The following SUSD4 variants were observed in gnomAD, a reference collection of about 807,000 sequenced individuals.
The protein encoded by SUSD4 is sushi domain containing 4.
Under a neutral mutation model 50.5 loss-of-function variants are expected in SUSD4, and 41 were observed. The observed-to-expected ratio is 0.81, with a 90% CI of 0.63 to 1.05. The LOEUF is 1.05. Ranked by LOEUF, SUSD4 falls within the 50% of genes least tolerant of loss-of-function variation. The pLI is 0.00. For synonymous variants in SUSD4, 257 were observed against 257.3 expected, an observed-to-expected ratio of 1.00 and a Z score of 0.01; for missense variants, 580 against 634.7, an observed-to-expected ratio of 0.91 and a Z score of 0.93.
rs1482341284 is a variant in SUSD4, at chr1:223,363,476, G to A, written c.-35-16C>T. On this transcript the variant is annotated splice_polypyrimidine_tract_variant and intron_variant, in intron 1 of 8. Transcript: ENST00000366878. The stretch of plus-strand genomic sequence containing the variant: ...TTGCAAGAGTCTGCAACCAGAAGCG[G>A]AACACCACAATAAGCCAGTCTGTCC... The A allele has an allele frequency of 6.8e-7, 1 of 1,480,534 alleles. No homozygotes were observed. The highest frequency in any genetic ancestry group is 1.4e-5 in the South Asian group (1 of 71,480). The allele number at this position is 1,480,534 out of a possible 1,614,324, so 91.7% of individuals were successfully genotyped here. A position where few individuals can be genotyped will look rare whatever the true frequency, so the allele number is the denominator to read the frequency against.
At chr1:223,315,978 C>T (rs1281772978) in intron 2 of SUSD4, among the ~76,000 whole-genome samples, 2 of 152,118 alleles carry the variant, frequency 1.3e-5, no homozygotes, top group Non-Finnish European at 2.9e-5. Context: ...AAAAACAGGG[C>T]TGATTCTATA....
At position 223,229,309 on chromosome 1, in the gene SUSD4, A is replaced by G; in HGVS notation, c.804T>C (p.Thr268=). The change falls in exon 6 of 9, where the codon ACT becomes ACC. Residue 268 remains threonine, a synonymous_variant. Transcript: ENST00000366878. This position sits in a 1 kb window ranked among gnomAD's most constrained non-coding sequence, Gnocchi z 4.7. The part of the protein sequence containing the change: ...PRPCERYNHG[T]VVEFYCDPGY... ...CAGGATCGCAGTAAAACTCCACCACAGTTCCGTGGTTGTAGCGCTCACAAG... is the reference window on the plus strand; with the variant it reads ...CAGGATCGCAGTAAAACTCCACCACGGTTCCGTGGTTGTAGCGCTCACAAG... The G allele has an allele frequency of 1.2e-6, 2 of 1,612,774 alleles. No individual in the cohort carries two copies. Among genetic ancestry groups the G allele is most frequent in the Non-Finnish European group, 1.7e-6 (2 of 1,178,958 alleles).
chr1:223,222,327 A>G lies in SUSD4; in HGVS notation c.1445-107T>C. The G allele has an allele frequency of 3.3e-6, 4 of 1,209,860 alleles. 1 individual carries two copies. The Middle Eastern group carries it at 8.3e-4, about 252-fold the overall frequency. The allele number at this position is 1,209,860 out of a possible 1,614,324, so 74.9% of individuals were successfully genotyped here. A position where few individuals can be genotyped will look rare whatever the true frequency, so the allele number is the denominator to read the frequency against. On this transcript the variant is annotated intron_variant, in intron 8 of 8. Transcript: ENST00000366878. ...TCTACAGTTTCTCAAATCAGTGAGG[A>G]GAAGAAAATGTTAAGTTCCACATAC...
chr1:223,224,327 A>C (rs1659347787), intron 7 of SUSD4, among the ~76,000 whole-genome samples: 1 of 152,190 alleles, frequency 6.6e-6, no homozygotes, highest in Non-Finnish European at 1.5e-5. Flanking sequence ...ACAGAGCGAG[A>C]TGTTGTCTCA....
At position 223,282,644 on chromosome 1, in the gene SUSD4, T is replaced by C. The variant is rs182945175; in HGVS notation, c.361+9795A>G. ...GCTCATGGGTAGGAACAATCAATAT[T>C]GTGAAAATGGCCATACTGCCCAAGG... On this transcript the variant is annotated intron_variant, in intron 3 of 8. Coordinates refer to ENST00000366878, the MANE Select transcript of SUSD4 (RefSeq NM_017982.4). Among the ~76,000 whole-genome samples the C allele has an allele frequency of 1.9e-4, 29 of 152,244 alleles. No individual in the cohort carries two copies. The East Asian group carries it at 4.6e-3, about 24-fold the overall frequency.
rs1266317448 is a variant in SUSD4 at position 223,223,474 on chromosome 1, C to A, written c.1219G>T (p.Asp407Tyr). 5 of 1,613,762 alleles carry A rather than the reference C, an allele frequency of 3.1e-6. No individual in the cohort carries two copies. The highest frequency in any genetic ancestry group is 4.2e-6 in the Non-Finnish European group (5 of 1,179,902). The change falls in exon 8 of 9, where the codon GAC (aspartate) becomes TAC (tyrosine). Residue 407 changes from aspartate (D) to tyrosine (Y), a missense_variant. Coordinates refer to ENST00000366878, the MANE Select transcript of SUSD4 (RefSeq NM_017982.4). Reference protein sequence around the residue: ...SVGQGCPLPVDDQSPPAYPGS... With the variant: ...SVGQGCPLPVYDQSPPAYPGS... ...GGGTATGCTGGGGGGCTCTGGTCGT[C>A]CACGGGTAAGGGGCAGCCCTGGCCC...
chr1:223,227,469 G>A lies in SUSD4; in HGVS notation c.1061+125C>T. On this transcript the variant is annotated intron_variant, in intron 7 of 8. Transcript: ENST00000366878. The surrounding 1 kb of genome is among the most constrained non-coding windows in gnomAD (Gnocchi z 4.5). ...TGTGCTCAAAACATCCCAGAACATT[G>A]TTTTTGCTCTCCCCTGTTTCCCTTT... The A allele has an allele frequency of 7.7e-7, 1 of 1,296,620 alleles. No homozygotes were observed. Among genetic ancestry groups the A allele is most frequent in the Non-Finnish European group, 1.1e-6 (1 of 951,372 alleles). 80.3% of individuals were successfully genotyped at this position (1,296,620 alleles called of 1,614,324 possible).
chr1:223,315,423 T>C (rs996210092), intron 2 of SUSD4, among the ~76,000 whole-genome samples: 1 of 152,234 alleles, frequency 6.6e-6, no homozygotes, highest in Non-Finnish European at 1.5e-5. Context: ...TGAGATGGCT[T>C]TTCAGGTTTT....
chr1:223,316,530 A>T (rs1666200418), intron 2 of SUSD4, among the ~76,000 whole-genome samples: 1 of 152,066 alleles, frequency 6.6e-6, no homozygotes. Context: ...ACCCCTGACA[A>T]CTGCCCCTGG....
rs749296541 is a variant in SUSD4, at chr1:223,292,563, A to C, written c.237T>G (p.Ser79=). Residue 79 remains serine (S), a synonymous_variant, in exon 3 of 9, where the codon TCT becomes TCG. Transcript: ENST00000366878. ...CGTCTTGGCAGTGAAATCGGGCTACAGAGCCTTCAAAGAAAACCCCTCCGC... is the reference window on the plus strand; with the variant it reads ...CGTCTTGGCAGTGAAATCGGGCTACCGAGCCTTCAAAGAAAACCCCTCCGC... The part of the protein sequence containing the change: ...TPSGGVFFEG[S]VARFHCQDGF... The C allele has an allele frequency of 1.2e-6, 2 of 1,614,176 alleles. No individual in the cohort carries two copies. The highest frequency in any genetic ancestry group is 8.5e-7 in the Non-Finnish European group (1 of 1,180,014).
At chr1:223,292,348 C>G in intron 3 of SUSD4, 91 bp downstream of exon 3, 1 of 1,395,024 alleles carries the variant, frequency 7.2e-7, no homozygotes, top group Non-Finnish European at 1.0e-6. Flanking sequence ...GAGAAGAGCC[C>G]AGGGTATTGA....
At chr1:223,268,420 T>C in intron 4 of SUSD4, 82 bp downstream of exon 4, 1 of 1,496,122 alleles carries the variant, frequency 6.7e-7, no homozygotes, top group Non-Finnish European at 8.9e-7. Flanking sequence ...TCTATCACTT[T>C]ATTAGATAAA....
At chr1:223,279,383 T>C (rs917861428) in intron 3 of SUSD4, among the ~76,000 whole-genome samples, 1 of 152,218 alleles carries the variant, frequency 6.6e-6, no homozygotes, top group Non-Finnish European at 1.5e-5. Flanking sequence ...TTAAATGACC[T>C]GATGTTGCTG....
intron 5 of SUSD4, among the ~76,000 whole-genome samples, chr1:223,255,666 G>T (rs1368233393): frequency 6.6e-6 from 1 of 152,188 alleles, no homozygotes; most frequent in Non-Finnish European, 1.5e-5. Flanking sequence ...GAGGAGGCGA[G>T]GGAAGGGCAG....
At chr1:223,345,915 C>T (rs139064765) in intron 2 of SUSD4, among the ~76,000 whole-genome samples, 1 of 152,146 alleles carries the variant, frequency 6.6e-6, no homozygotes, top group Non-Finnish European at 1.5e-5. Context: ...CTCCTCCGGG[C>T]CTTCAGCACC....
intron 2 of SUSD4, among the ~76,000 whole-genome samples, chr1:223,353,486 T>C (rs567923438): frequency 1.6e-3 from 241 of 152,282 alleles, no homozygotes; most frequent in African/African-American, 5.7e-3. Context: ...TTATGGCCCC[T>C]GATTTACAGA....
chr1:223,263,841 C>T (rs938860966), intron 5 of SUSD4: 6 of 985,316 alleles, frequency 6.1e-6, no homozygotes, highest in Non-Finnish European at 6.0e-6. Context: ...AACAAGGCTG[C>T]AAATAGGCTT....
intron 2 of SUSD4, among the ~76,000 whole-genome samples, chr1:223,315,035 T>C (rs553253345): frequency 6.6e-6 from 1 of 152,368 alleles, no homozygotes; most frequent in South Asian, 2.1e-4. Context: ...TTATATTTTC[T>C]ATACTAGAGT....
At chr1:223,286,708 G>T (rs774889976) in intron 3 of SUSD4, among the ~76,000 whole-genome samples, 2 of 152,228 alleles carry the variant, frequency 1.3e-5, no homozygotes, top group African/African-American at 4.8e-5. Context: ...TCATGGATGA[G>T]AATTGCCTGC....
Sources: allele counts gnomAD v4.1 joint callset (sites outside exome capture counted in the v4.1 genomes callset), GRCh38; gene constraint gnomAD v4.1.1; non-coding constraint Gnocchi (gnomAD v3.1); transcripts MANE v1.5; gene names NCBI Gene and HGNC (gene_info 2026-07-23, HGNC 2026-07-21).